Variants in MBTPS1 observed in about 807,000 individuals in gnomAD.
MBTPS1 encodes the protein membrane-bound transcription factor site-1 protease.
MBTPS1 carries 94 observed loss-of-function variants against 127.8 expected under a neutral mutation model. The observed-to-expected ratio is 0.74, with a 90% CI of 0.62 to 0.87. The LOEUF is 0.87. Ranked by LOEUF, MBTPS1 falls within the 40% of genes least tolerant of loss-of-function variation. The pLI is 0.00. For synonymous variants in MBTPS1, 632 were observed against 509.4 expected, an observed-to-expected ratio of 1.24 and a Z score of -3.24; for missense variants, 1,636 against 1,353.2, an observed-to-expected ratio of 1.21 and a Z score of -3.28.
chr16:84,106,519 GGT>G lies in MBTPS1; in HGVS notation c.-324-4414_-324-4413del, dbSNP rs148696205. Among the ~76,000 whole-genome samples the G allele has an allele frequency of 7.6e-3, 1,162 of 152,148 alleles. 20 individuals carry two copies. The highest frequency in any genetic ancestry group is 0.027 in the African/African-American group (1,104 of 41,484). ...AGGCCCTGGGGCAAGGACCATTCCT[GGT>G]GTGTGTGTGAGGAAAGAAAGGCAAA... On this transcript the variant is annotated intron_variant, in intron 1 of 22. Transcript: ENST00000343411.
intron 1 of MBTPS1, among the ~76,000 whole-genome samples, chr16:84,112,539 G>A (rs1879129043): frequency 6.6e-6 from 1 of 151,760 alleles, no homozygotes; most frequent in Admixed American, 6.6e-5. Context: ...GTGGGCTCCT[G>A]TAGTCCCAGA....
At chr16:84,069,576 G>A (rs28706499) in intron 14 of MBTPS1, among the ~76,000 whole-genome samples, 4 of 152,120 alleles carry the variant, frequency 2.6e-5, no homozygotes, top group African/African-American at 9.7e-5. Flanking sequence ...GAGATGGAAG[G>A]ATCCAGGATG....
chr16:84,072,378 T>C (rs1052705509), intron 12 of MBTPS1, among the ~76,000 whole-genome samples: 2 of 152,168 alleles, frequency 1.3e-5, no homozygotes, highest in African/African-American at 4.8e-5. Context: ...GAAGGAGATG[T>C]TGGCACAGCC....
At chr16:84,057,172 C>A (rs2085534973) in intron 21 of MBTPS1, 4 of 152,176 alleles carry the variant, frequency 2.6e-5, no homozygotes, top group Admixed American at 2.0e-4. Flanking sequence ...CTCGATACTC[C>A]CAGCTCGGCA....
chr16:84,058,791 G>A (rs2085560350), intron 21 of MBTPS1, among the ~76,000 whole-genome samples: 1 of 152,192 alleles, frequency 6.6e-6, no homozygotes, highest in Non-Finnish European at 1.5e-5. Flanking sequence ...GGAGTGTGGA[G>A]ACAGCAGCAG....
intron 12 of MBTPS1, among the ~76,000 whole-genome samples, chr16:84,073,290 C>T (rs944556347): frequency 1.3e-5 from 2 of 152,074 alleles, no homozygotes; most frequent in Admixed American, 6.5e-5. Context: ...TGTGTCACCA[C>T]GCCCAGCTGA....
chr16:84,111,149 G>A (rs1462199032), intron 1 of MBTPS1, among the ~76,000 whole-genome samples: 1 of 152,332 alleles, frequency 6.6e-6, no homozygotes, highest in East Asian at 1.9e-4. Context: ...CACTGAGACA[G>A]TATCCTCGGT....
chr16:84,103,975 G>C (rs547937845), intron 1 of MBTPS1, among the ~76,000 whole-genome samples: 1 of 152,236 alleles, frequency 6.6e-6, no homozygotes, highest in African/African-American at 2.4e-5. Context: ...AAAGCAGAGG[G>C]CACCTAAAGC....
intron 1 of MBTPS1, among the ~76,000 whole-genome samples, chr16:84,114,184 A>G (rs1019608022): frequency 1.3e-5 from 2 of 151,778 alleles, no homozygotes; most frequent in African/African-American, 4.8e-5. Context: ...GATGGTCTCA[A>G]TCTCCTGACC....
chr16:84,094,645 T>C (rs188308280), intron 4 of MBTPS1, among the ~76,000 whole-genome samples: 81 of 152,288 alleles, frequency 5.3e-4, no homozygotes, highest in Admixed American at 2.5e-3. Flanking sequence ...GAGATAAATA[T>C]AAAAATCAAT....
At position 84,101,921 on chromosome 16, in the gene MBTPS1, TAA is replaced by T. The variant is rs2086262948; in HGVS notation, c.-140_-139del. ...ATCTTACAGTCTTGCCCAACATAAA[TAA>T]AAGTTAAATCCCATGGCCTTTTGTG... On this transcript the variant is annotated 5_prime_UTR_variant, in exon 2 of 23. It removes the in-frame stop codon of an upstream open reading frame in the 5' UTR. Transcript: ENST00000343411. 7.9e-6 allele frequency: 6 copies of T among 760,056 alleles called. No homozygotes were observed. The South Asian group carries it at 1.1e-4, about 14-fold the overall frequency. The allele number at this position is 760,056 out of a possible 1,614,324, so 47.1% of individuals were successfully genotyped here.
intron 6 of MBTPS1, among the ~76,000 whole-genome samples, chr16:84,092,882 C>G (rs1254053476): frequency 6.6e-6 from 1 of 152,118 alleles, no homozygotes; most frequent in Non-Finnish European, 1.5e-5. Flanking sequence ...GACAACCGAC[C>G]CAGGGTACAG....
Position 84,095,597 on chromosome 16 carries a change from C to A in MBTPS1, c.625+5G>T. On this transcript the variant is annotated splice_donor_5th_base_variant and intron_variant, in intron 4 of 22. Coordinates refer to ENST00000343411, the MANE Select transcript of MBTPS1 (RefSeq NM_003791.4). ...TAAGCACCTTCCCTGGGTAATAGCA[C>A]ACACCTGTATATCCCATCTGCCAGA... 6.2e-7 allele frequency: 1 copy of A among 1,613,726 alleles called. No individual in the cohort carries two copies. The highest frequency in any genetic ancestry group is 8.5e-7 in the Non-Finnish European group (1 of 1,179,728).
Position 84,066,579 on chromosome 16 carries a change from T to C in MBTPS1, c.2263A>G (p.Ile755Val). The C allele has an allele frequency of 6.2e-7, 1 of 1,614,128 alleles. No homozygotes were observed. Among genetic ancestry groups the C allele is most frequent in the East Asian group, 2.2e-5 (1 of 44,874 alleles). The change falls in exon 17 of 23, where the codon ATC becomes GTC. Residue 755 changes from isoleucine (I) to valine (V), a missense_variant. By Grantham distance (29) the Ile-to-Val change is conservative. Transcript: ENST00000343411. ...WWMPDTGGAN[I>V]PALNELLSVW... is the part of the protein sequence containing the mutation. ...GACAGCAGCTCATTCAGAGCTGGGA[T>C]GTTAGCTCCTCCGGTATCCGGCATC...
At chr16:84,089,012 A>G (rs769761044) in intron 8 of MBTPS1, among the ~76,000 whole-genome samples, 45 of 152,236 alleles carry the variant, frequency 3.0e-4, no homozygotes, top group Non-Finnish European at 5.6e-4. Flanking sequence ...ACGGAGTGCA[A>G]CCACCCACAA....
At chr16:84,100,035 T>C (rs1210439399) in intron 2 of MBTPS1, among the ~76,000 whole-genome samples, 2 of 152,220 alleles carry the variant, frequency 1.3e-5, no homozygotes, top group Admixed American at 6.5e-5. Flanking sequence ...TCTTCACATC[T>C]GGTCACTCAA....
At chr16:84,091,948 C>A in intron 6 of MBTPS1, 100 bp from the exon 7 acceptor site, 3 of 731,922 alleles carry the variant, frequency 4.1e-6, no homozygotes, top group Admixed American at 4.6e-5. Context: ...ACAAGTAGTT[C>A]TCTTAATTTT....
chr16:84,067,583 G>C (rs1366850580), intron 16 of MBTPS1, 84 bp downstream of exon 16: 5 of 1,126,730 alleles, frequency 4.4e-6, no homozygotes, highest in African/African-American at 3.0e-5. Flanking sequence ...ACCACCAACA[G>C]GTCAAATCAT....
intron 1 of MBTPS1, among the ~76,000 whole-genome samples, chr16:84,113,819 A>C (rs577856593): frequency 3.9e-5 from 6 of 152,350 alleles, no homozygotes; most frequent in African/African-American, 1.4e-4. Flanking sequence ...AAAGGTTACT[A>C]TCCAGTCCAA....
Sources: gnomAD v4.1 joint callset for allele counts (sites outside exome capture counted in the v4.1 genomes callset) on GRCh38, gnomAD v4.1.1 for gene constraint, MANE v1.5 for transcripts, NCBI Gene and HGNC (gene_info 2026-07-23, HGNC 2026-07-21) for gene names.